Variants in CCDC91 observed in about 807,000 individuals in gnomAD.
CCDC91 encodes the protein coiled-coil domain containing 91, also known as coiled-coil domain-containing protein 91.
CCDC91 carries 48 observed loss-of-function variants against 63.2 expected under a neutral mutation model. The observed-to-expected ratio is 0.76, with a 90% CI of 0.60 to 0.97. The LOEUF (loss-of-function observed/expected upper bound fraction) is 0.97. CCDC91 is among the 50% of genes least tolerant of loss of function. The probability of loss-of-function intolerance (pLI) is 0.00; values close to 1 mark genes in which losing one functional copy is unlikely to be tolerated. For synonymous variants in CCDC91, 167 were observed against 165.8 expected, an observed-to-expected ratio of 1.01 and a Z score of -0.06; for missense variants, 500 against 494.6, an observed-to-expected ratio of 1.01 and a Z score of -0.10.
At chr12:28,497,831 T>C (rs1952390175) in intron 12 of CCDC91, among the ~76,000 whole-genome samples, 2 of 151,646 alleles carry the variant, frequency 1.3e-5, no homozygotes, top group Non-Finnish European at 3.0e-5. Flanking sequence ...ACTTTATGGC[T>C]TAGTATTTCC....
At chr12:28,250,173 T>C (rs976338199) in intron 1 of CCDC91, among the ~76,000 whole-genome samples, 9 of 152,104 alleles carry the variant, frequency 5.9e-5, no homozygotes, top group Admixed American at 3.3e-4. Context: ...GTAAATGTCT[T>C]GTAGTTTTTA....
chr12:28,443,947 G>T (rs1162424268), intron 8 of CCDC91, among the ~76,000 whole-genome samples: 4 of 152,066 alleles, frequency 2.6e-5, no homozygotes, highest in Admixed American at 2.6e-4. Flanking sequence ...ACAATAGTTT[G>T]CAGAACCTGT....
chr12:28,538,862 G>C (rs1459407540), intron 12 of CCDC91, among the ~76,000 whole-genome samples: 1 of 152,172 alleles, frequency 6.6e-6, no homozygotes, highest in Non-Finnish European at 1.5e-5. Context: ...GGCCAGTGAT[G>C]ATGAGCATAT....
At chr12:28,491,012 A>G (rs1221016605) in intron 12 of CCDC91, among the ~76,000 whole-genome samples, 1 of 151,830 alleles carries the variant, frequency 6.6e-6, no homozygotes, top group Non-Finnish European at 1.5e-5. Context: ...AGGAATATAA[A>G]ATACGTTTTA....
At chr12:28,499,674 T>A (rs935586387) in intron 12 of CCDC91, among the ~76,000 whole-genome samples, 2 of 152,170 alleles carry the variant, frequency 1.3e-5, no homozygotes, top group Admixed American at 1.3e-4. Flanking sequence ...GGACATGAAC[T>A]CATCCTTTTT....
Position 28,259,388 on chromosome 12 carries a change from A to C in CCDC91, c.55A>C (p.Ser19Arg). 6.2e-7 allele frequency: 1 copy of C among 1,611,666 alleles called. No homozygotes were observed. Among genetic ancestry groups the C allele is most frequent in the Non-Finnish European group, 8.5e-7 (1 of 1,178,496 alleles). Residue 19 changes from serine to arginine, a missense_variant, in exon 3 of 13, where the codon AGT (serine) becomes CGT (arginine). Ser to Arg is a moderately radical substitution (Grantham distance 110). Coordinates refer to ENST00000536442, the MANE Select transcript of CCDC91 (RefSeq NM_018318.5). Reference protein sequence around the residue: ...FEAAETFDGGSGETQTTSPAI... With the variant: ...FEAAETFDGGRGETQTTSPAI... The stretch of plus-strand genomic sequence containing the variant: ...GGCTGCGGAGACTTTTGATGGTGGA[A>C]GTGGTGAAACCCAAACAACATCTCC...
intron 6 of CCDC91, among the ~76,000 whole-genome samples, chr12:28,356,474 G>A (rs1278287650): frequency 6.6e-6 from 1 of 151,954 alleles, no homozygotes; most frequent in African/African-American, 2.4e-5. Context: ...TTCTCATTCC[G>A]AATTTTTTCA....
chr12:28,421,471 A>T (rs1409490939), intron 8 of CCDC91, among the ~76,000 whole-genome samples: 1 of 151,730 alleles, frequency 6.6e-6, no homozygotes, highest in Non-Finnish European at 1.5e-5. Context: ...TTTGGTTTTC[A>T]GTCCCTAGTT....
intron 11 of CCDC91, among the ~76,000 whole-genome samples, chr12:28,472,115 C>T (rs1252875157): frequency 2.0e-5 from 3 of 152,190 alleles, no homozygotes; most frequent in African/African-American, 7.2e-5. Flanking sequence ...TTTTGAAACC[C>T]TCTTCAGCTT....
intron 3 of CCDC91, among the ~76,000 whole-genome samples, chr12:28,280,598 G>T (rs1948541446): frequency 6.6e-6 from 1 of 151,938 alleles, no homozygotes; most frequent in Non-Finnish European, 1.5e-5. Flanking sequence ...GAACATATAG[G>T]TAAATGATTT....
At chr12:28,213,263 C>A (rs78412660) in intron 1 of CCDC91, among the ~76,000 whole-genome samples, 1 of 152,170 alleles carries the variant, frequency 6.6e-6, no homozygotes, top group African/African-American at 2.4e-5. Flanking sequence ...CTCTCCCCAC[C>A]GACTCCTCTT....
chr12:28,382,979 G>A (rs2139116813), intron 7 of CCDC91, among the ~76,000 whole-genome samples: 1 of 152,174 alleles, frequency 6.6e-6, no homozygotes, highest in South Asian at 2.1e-4. Flanking sequence ...AAAGGTTAAA[G>A]TATCTGGAAG....
intron 7 of CCDC91, among the ~76,000 whole-genome samples, chr12:28,365,927 G>C (rs1353706100): frequency 1.3e-5 from 2 of 152,130 alleles, no homozygotes; most frequent in Non-Finnish European, 2.9e-5. Flanking sequence ...TCCTGGACTA[G>C]ATGTAATCAA....
Position 28,429,256 on chromosome 12 carries a change from A to C in CCDC91, c.763-20905A>C, listed in dbSNP as rs548975236. Among the ~76,000 whole-genome samples, 14 of 152,300 alleles carry C rather than the reference A, an allele frequency of 9.2e-5. No homozygotes were observed. In the South Asian group the frequency reaches 1.4e-3, roughly 16 times the overall value. On this transcript the variant is annotated intron_variant, in intron 8 of 12. Coordinates refer to ENST00000536442, the MANE Select transcript of CCDC91 (RefSeq NM_018318.5). ...TTTTTTCTTTCATCATGATTCAGAA[A>C]AAGACAGTTACTTGTTTTTATCACA... is the stretch of plus-strand genomic sequence containing the variant.
intron 12 of CCDC91, among the ~76,000 whole-genome samples, chr12:28,485,082 C>T (rs908432168): frequency 1.3e-5 from 2 of 151,350 alleles, no homozygotes; most frequent in African/African-American, 2.4e-5. Context: ...AGAAAATATA[C>T]GATAAGATAT....
chr12:28,435,086 A>G (rs575452346), intron 8 of CCDC91, among the ~76,000 whole-genome samples: 24 of 151,596 alleles, frequency 1.6e-4, no homozygotes, highest in Non-Finnish European at 3.0e-4. Flanking sequence ...CCAAATAACC[A>G]GCTTTTGGTT....
chr12:28,520,890 G>A (rs1940565300), intron 12 of CCDC91, among the ~76,000 whole-genome samples: 1 of 152,004 alleles, frequency 6.6e-6, no homozygotes, highest in Non-Finnish European at 1.5e-5. Flanking sequence ...GTAGATGTGT[G>A]GTATTATTTC....
chr12:28,290,465 A>G (rs1324108281), intron 3 of CCDC91, among the ~76,000 whole-genome samples: 1 of 152,014 alleles, frequency 6.6e-6, no homozygotes, highest in Non-Finnish European at 1.5e-5. Flanking sequence ...CCAGCTTGCC[A>G]CTCTGTGCCT....
intron 8 of CCDC91, among the ~76,000 whole-genome samples, chr12:28,440,994 G>A (rs1318770129): frequency 1.5e-5 from 2 of 135,290 alleles, no homozygotes; most frequent in Non-Finnish European, 3.1e-5. Context: ...GGAGGTGGAG[G>A]TTGCAGTGAG....
Sources: gnomAD v4.1 joint callset for allele counts (sites outside exome capture counted in the v4.1 genomes callset) on GRCh38, gnomAD v4.1.1 for gene constraint, MANE v1.5 for transcripts, NCBI Gene and HGNC (gene_info 2026-07-23, HGNC 2026-07-21) for gene names.